Variants in B3GALT1 observed in about 807,000 individuals in gnomAD.
The protein encoded by B3GALT1 is beta-1,3-galactosyltransferase 1.
Under a neutral mutation model 23.2 loss-of-function variants are expected in B3GALT1, and 10 were observed. The ratio of observed to expected loss-of-function variants is 0.43; its 90% CI spans 0.27 to 0.73. B3GALT1 has a LOEUF of 0.73. Among genes scored for constraint, B3GALT1 ranks in the 30% least tolerant of loss-of-function variants. The pLI is 0.21. For synonymous variants in B3GALT1, 156 were observed against 141.5 expected, an observed-to-expected ratio of 1.10 and a Z score of -0.73; for missense variants, 299 against 405.4, an observed-to-expected ratio of 0.74 and a Z score of 2.25.
chr2:167,365,466 G>T (rs1697571025), intron 1 of B3GALT1, among the ~76,000 whole-genome samples: 1 of 152,024 alleles, frequency 6.6e-6, no homozygotes, highest in Admixed American at 6.6e-5. Context: ...TGTTGCTGCT[G>T]CTTCTGCTGT....
In B3GALT1 at chr2:167,387,776, A is replaced by G. The variant is rs557224294; in HGVS notation, c.-511+94442A>G. On this transcript the variant is annotated intron_variant, in intron 1 of 4. Transcript: ENST00000392690. ...GGTCATATTTTGTTTGGAAAAGGAA[A>G]AAAAAATAGTTAGTGTTAATCTCTA... Among the ~76,000 whole-genome samples the G allele has an allele frequency of 3.9e-5, 6 of 152,326 alleles. No individual in the cohort carries two copies. In the South Asian group the frequency reaches 1.2e-3, roughly 32 times the overall value.
chr2:167,771,355 C>T (rs990869496), intron 3 of B3GALT1, among the ~76,000 whole-genome samples: 14 of 152,064 alleles, frequency 9.2e-5, no homozygotes, highest in East Asian at 1.9e-4. Flanking sequence ...TTTGGGAGGC[C>T]GAGGCGGGCA....
At chr2:167,721,023 TTCTC>T (rs1687223427) in intron 3 of B3GALT1, among the ~76,000 whole-genome samples, 1 of 152,058 alleles carries the variant, frequency 6.6e-6, no homozygotes, top group African/African-American at 2.4e-5. Flanking sequence ...CCTTCCTTCT[TTCTC>T]TCTCCCTCTC....
At chr2:167,865,338 G>A (rs1319512169) in intron 4 of B3GALT1, among the ~76,000 whole-genome samples, 8 of 152,172 alleles carry the variant, frequency 5.3e-5, no homozygotes, top group African/African-American at 1.9e-4. Context: ...GAACCCAGGA[G>A]GTTTCAGTGA....
At chr2:167,730,266 A>G (rs1687388828) in intron 3 of B3GALT1, among the ~76,000 whole-genome samples, 1 of 151,858 alleles carries the variant, frequency 6.6e-6, no homozygotes, top group African/African-American at 2.4e-5. Flanking sequence ...GTTGAATGGC[A>G]TTTCATTTTT....
chr2:167,712,408 C>T (rs1687075705), intron 3 of B3GALT1, among the ~76,000 whole-genome samples: 1 of 151,276 alleles, frequency 6.6e-6, no homozygotes, highest in South Asian at 2.1e-4. Context: ...AGTGAGTCCA[C>T]ATACCTGCAG....
intron 2 of B3GALT1, among the ~76,000 whole-genome samples, chr2:167,608,080 A>G (rs899195677): frequency 6.6e-6 from 1 of 152,202 alleles, no homozygotes; most frequent in Non-Finnish European, 1.5e-5. Flanking sequence ...AAAAGAAGGC[A>G]TTCCTACATG....
chr2:167,397,943 T>C (rs1425101521), intron 1 of B3GALT1, among the ~76,000 whole-genome samples: 2 of 152,138 alleles, frequency 1.3e-5, no homozygotes, highest in Non-Finnish European at 2.9e-5. Context: ...GGTGAATGAC[T>C]TCAGCCAGCC....
intron 3 of B3GALT1, among the ~76,000 whole-genome samples, chr2:167,651,548 C>T (rs528229712): frequency 3.4e-4 from 52 of 152,236 alleles, no homozygotes; most frequent in African/African-American, 1.2e-3. Context: ...CCACACACAG[C>T]CAGCTGCTTC....
chr2:167,763,108 T>TTTTA (rs1276775957), intron 3 of B3GALT1, among the ~76,000 whole-genome samples: 3 of 152,170 alleles, frequency 2.0e-5, no homozygotes, highest in Non-Finnish European at 2.9e-5. Context: ...TATTAAGTGT[T>TTTTA]TTTATTTATT....
chr2:167,714,320 G>T (rs559703475), intron 3 of B3GALT1: 6 of 1,494,300 alleles, frequency 4.0e-6, no homozygotes, highest in Non-Finnish European at 5.6e-6. Context: ...GTGAGCATCA[G>T]TTGACCTATC....
At chr2:167,439,165 T>C (rs1057325181) in intron 1 of B3GALT1, among the ~76,000 whole-genome samples, 3 of 152,230 alleles carry the variant, frequency 2.0e-5, no homozygotes, top group Non-Finnish European at 4.4e-5. Flanking sequence ...CTTCTCATTC[T>C]TTGATACCTG....
intron 2 of B3GALT1, among the ~76,000 whole-genome samples, chr2:167,586,140 T>C (rs1558915805): frequency 6.8e-6 from 1 of 147,026 alleles, no homozygotes; most frequent in South Asian, 2.1e-4. Flanking sequence ...CATAATACTT[T>C]GATTTTGTAA....
intron 1 of B3GALT1, among the ~76,000 whole-genome samples, chr2:167,338,002 C>T (rs1419149694): frequency 6.6e-6 from 1 of 152,058 alleles, no homozygotes; most frequent in Non-Finnish European, 1.5e-5. Context: ...GTGAATGGGT[C>T]TAGAAATTCC....
At chr2:167,630,467 A>G (rs1375586945) in intron 2 of B3GALT1, among the ~76,000 whole-genome samples, 7 of 151,846 alleles carry the variant, frequency 4.6e-5, no homozygotes, top group Admixed American at 2.6e-4. Context: ...ACATTTTGGT[A>G]GTCACTGGGT....
chr2:167,720,272 T>C (rs1337952841), intron 3 of B3GALT1, among the ~76,000 whole-genome samples: 1 of 152,216 alleles, frequency 6.6e-6, no homozygotes, highest in Non-Finnish European at 1.5e-5. Flanking sequence ...TGATGCTGTC[T>C]ACTAATTTAA....
chr2:167,619,884 A>T (rs1685226766), intron 2 of B3GALT1, among the ~76,000 whole-genome samples: 1 of 152,126 alleles, frequency 6.6e-6, no homozygotes, highest in Admixed American at 6.6e-5. Context: ...TGCACTGGTA[A>T]TCAAAAAGGA....
At chr2:167,711,279 A>G (rs564637109) in intron 3 of B3GALT1, among the ~76,000 whole-genome samples, 80 of 151,194 alleles carry the variant, frequency 5.3e-4, no homozygotes, top group African/African-American at 1.8e-3. Flanking sequence ...CCATCACATC[A>G]CTCCTCTGTT....
chr2:167,508,450 G>A (rs1263314613), intron 2 of B3GALT1, among the ~76,000 whole-genome samples: 1 of 151,574 alleles, frequency 6.6e-6, no homozygotes, highest in Non-Finnish European at 1.5e-5. Context: ...AGTAGAGACG[G>A]GGTTTCACCG....
Sources: allele counts gnomAD v4.1 joint callset (sites outside exome capture counted in the v4.1 genomes callset), GRCh38; gene constraint gnomAD v4.1.1; transcripts MANE v1.5; gene names NCBI Gene and HGNC (gene_info 2026-07-23, HGNC 2026-07-21).